TMPRSS11E: variants seen among roughly 807,000 people sequenced by gnomAD.
TMPRSS11E encodes the protein transmembrane protease serine 11E.
Under a neutral mutation model 48.1 loss-of-function variants are expected in TMPRSS11E, and 38 were observed. The ratio of observed to expected loss-of-function variants is 0.79; its 90% CI spans 0.61 to 1.04. The LOEUF is 1.04. Among genes scored for constraint, TMPRSS11E ranks in the 50% least tolerant of loss-of-function variants. TMPRSS11E has a pLI of 0.00. For missense variants in TMPRSS11E, 530 were observed against 510.8 expected (o/e 1.04, Z -0.36); for synonymous variants, 158 against 171.9 (o/e 0.92, Z 0.63).
intron 2 of TMPRSS11E, among the ~76,000 whole-genome samples, chr4:68,462,588 G>A (rs1372187579): frequency 1.8e-4 from 26 of 147,702 alleles, no homozygotes; most frequent in Non-Finnish European, 2.4e-4. Flanking sequence ...GTCTCAAAAA[G>A]AAAAAAAAAA....
intron 1 of TMPRSS11E, among the ~76,000 whole-genome samples, chr4:68,457,392 A>C (rs990116039): frequency 1.3e-5 from 2 of 152,170 alleles, no homozygotes; most frequent in South Asian, 2.1e-4. Context: ...AAAAGTCAGG[A>C]AACAACAGAT....
At chr4:68,487,438 G>A (rs1485331002) in intron 9 of TMPRSS11E, among the ~76,000 whole-genome samples, 1 of 151,980 alleles carries the variant, frequency 6.6e-6, no homozygotes, top group African/African-American at 2.4e-5. Flanking sequence ...TTTTAGTAGA[G>A]ATGGGATTTC....
chr4:68,453,846 G>T (rs1003760643), intron 1 of TMPRSS11E, among the ~76,000 whole-genome samples: 6 of 151,824 alleles, frequency 4.0e-5, no homozygotes, highest in Non-Finnish European at 5.9e-5. Flanking sequence ...TAGGAATCTA[G>T]TCTCCTACTA....
chr4:68,448,789 C>T (rs1037300602), intron 1 of TMPRSS11E, among the ~76,000 whole-genome samples: 3 of 151,780 alleles, frequency 2.0e-5, no homozygotes, highest in Admixed American at 6.6e-5. Context: ...ACAAAAACGT[C>T]TTCCTGATCT....
chr4:68,477,404 G>C lies in TMPRSS11E; in HGVS notation c.743G>C (p.Gly248Ala), dbSNP rs1276410766. 1 of 1,613,906 alleles carries C rather than the reference G, an allele frequency of 6.2e-7. No homozygotes were observed. Among genetic ancestry groups the C allele is most frequent in the South Asian group, 1.1e-5 (1 of 91,062 alleles). Residue 248 changes from glycine (G) to alanine (A), a missense_variant, in exon 8 of 10, where the codon GGA becomes GCA. Physicochemically the swap from Gly to Ala is moderately conservative, Grantham distance 60. Transcript: ENST00000305363. The stretch of plus-strand genomic sequence containing the variant: ...CCTGCCAGATGGACTGCTTCCTTTG[G>C]AGTAACAATAAAACCTTCGAAAATG... ...KNPARWTASF[G>A]VTIKPSKMKR...
chr4:68,490,751 CTTTTTTTTTT>C (rs1158277585), intron 9 of TMPRSS11E, among the ~76,000 whole-genome samples: 3 of 69,328 alleles, frequency 4.3e-5, no homozygotes, highest in African/African-American at 1.2e-4. Flanking sequence ...TCAGCATATT[CTTTTTTTTTT>C]TTTTTTTTTT....
intron 1 of TMPRSS11E, 35 bp downstream of exon 1, chr4:68,447,558 A>C: frequency 1.2e-6 from 2 of 1,600,840 alleles, no homozygotes; most frequent in Non-Finnish European, 1.7e-6. Context: ...TAGAAGTCTT[A>C]AGGTAACTTT....
chr4:68,487,241 T>C (rs1354434684), intron 9 of TMPRSS11E, among the ~76,000 whole-genome samples: 2 of 150,886 alleles, frequency 1.3e-5, no homozygotes, highest in Non-Finnish European at 3.0e-5. Context: ...TTGTCTTTTC[T>C]GTGGTGTCAG....
intron 9 of TMPRSS11E, among the ~76,000 whole-genome samples, chr4:68,494,061 T>G (rs1485205264): frequency 6.6e-6 from 1 of 152,110 alleles, no homozygotes; most frequent in Admixed American, 6.6e-5. Flanking sequence ...TTTCTCTCTC[T>G]CTCTCAATCT....
chr4:68,492,580 T>C lies in TMPRSS11E; in HGVS notation c.1111-4063T>C, dbSNP rs545252870. Among the ~76,000 whole-genome samples, 8 of 152,340 alleles carry C rather than the reference T, an allele frequency of 5.3e-5. No homozygotes were observed. In the South Asian group the frequency reaches 8.3e-4, roughly 16 times the overall value. On this transcript the variant is annotated intron_variant, in intron 9 of 9. Coordinates refer to ENST00000305363, the MANE Select transcript of TMPRSS11E (RefSeq NM_014058.4). ...TGTGATGTGCCATATGGAGAAAATA[T>C]GTATATTTGGTAAGCTTTGTTTAGT... is the stretch of plus-strand genomic sequence containing the variant.
rs753290276 is a variant in TMPRSS11E, at chr4:68,477,517, C to T, written c.856C>T (p.Pro286Ser). 3.7e-6 allele frequency: 6 copies of T among 1,614,100 alleles called. No homozygotes were observed. In the South Asian group the frequency reaches 6.6e-5, roughly 18 times the overall value. Reference sequence around the variant, plus strand: ...TATTTCTCTTGCAGAGCTTTCTAGCCCTGTTCCCTACACAAATGCAGTACA... The same window carrying T: ...TATTTCTCTTGCAGAGCTTTCTAGCTCTGTTCCCTACACAAATGCAGTACA... ...YDISLAELSSPVPYTNAVHRV... is the reference protein window; with the variant it reads ...YDISLAELSSSVPYTNAVHRV... The change falls in exon 8 of 10, where the codon CCT becomes TCT. Residue 286 changes from proline (P) to serine (S), a missense_variant. Coordinates refer to ENST00000305363, the MANE Select transcript of TMPRSS11E (RefSeq NM_014058.4).
chr4:68,477,670 AT>A, intron 8 of TMPRSS11E, 42 bp downstream of exon 8: 1 of 1,600,222 alleles, frequency 6.2e-7, no homozygotes. Context: ...TTAAATTGGT[AT>A]TTTATGGCAT....
At chr4:68,476,555 A>G (rs1729225469) in intron 7 of TMPRSS11E, 117 bp downstream of exon 7, 2 of 1,025,804 alleles carry the variant, frequency 1.9e-6, no homozygotes, top group Admixed American at 2.9e-5. Flanking sequence ...AATAGTGTGT[A>G]TATCACAAAA....
intron 1 of TMPRSS11E, 116 bp from the exon 2 acceptor site, chr4:68,461,705 G>C (rs1728794319): frequency 6.6e-7 from 1 of 1,509,564 alleles, no homozygotes; most frequent in Non-Finnish European, 9.0e-7. Flanking sequence ...TCTAAACCCA[G>C]ACAGTACACG....
Position 68,464,720 on chromosome 4 carries a change from T to C in TMPRSS11E, c.137-1911T>C, listed in dbSNP as rs184708254. ...TTTTTGACCTGTACTAATGGTGATT[T>C]TAAATCATTCAATCTAATAAGCCAA... On this transcript the variant is annotated intron_variant, in intron 2 of 9. Coordinates refer to ENST00000305363, the MANE Select transcript of TMPRSS11E (RefSeq NM_014058.4). 4.6e-5 allele frequency among the ~76,000 whole-genome samples: 7 copies of C among 152,304 alleles called. 1 individual carries two copies. Among genetic ancestry groups the C allele is most frequent in the Admixed American group, 3.9e-4 (6 of 15,288 alleles).
intron 9 of TMPRSS11E, among the ~76,000 whole-genome samples, chr4:68,487,837 A>T (rs145173707): frequency 6.1e-5 from 9 of 147,876 alleles, no homozygotes; most frequent in East Asian, 2.2e-4. Context: ...GCTATTCGGG[A>T]GGCTGAGGCA....
chr4:68,476,402 C>T lies in TMPRSS11E; in HGVS notation c.671C>T (p.Ala224Val), dbSNP rs1404615082. The T allele has an allele frequency of 4.3e-6, 7 of 1,613,658 alleles. No individual in the cohort carries two copies. The highest frequency in any genetic ancestry group is 1.1e-5 in the South Asian group (1 of 91,016). ...SHRCGATLIN[A>V]TWLVSAAHCF... ...CGCTGTGGAGCAACCTTAATTAATG[C>T]CACATGGCTTGTGAGTGCTGCTCAC... Residue 224 changes from alanine (A) to valine (V), a missense_variant, in exon 7 of 10, where the codon GCC becomes GTC. Coordinates refer to ENST00000305363, the MANE Select transcript of TMPRSS11E (RefSeq NM_014058.4).
chr4:68,493,088 T>C (rs1308382529), intron 9 of TMPRSS11E, among the ~76,000 whole-genome samples: 1 of 152,126 alleles, frequency 6.6e-6, no homozygotes, highest in African/African-American at 2.4e-5. Context: ...AACAGATGTA[T>C]GCCCTCTTAA....
intron 9 of TMPRSS11E, among the ~76,000 whole-genome samples, chr4:68,480,964 C>A (rs1042719953): frequency 3.0e-4 from 45 of 152,136 alleles, no homozygotes; most frequent in Admixed American, 2.7e-3. Flanking sequence ...CCACCCTCAA[C>A]CCTCAAGTAA....
Sources: allele counts gnomAD v4.1 joint callset (sites outside exome capture counted in the v4.1 genomes callset), GRCh38; gene constraint gnomAD v4.1.1; transcripts MANE v1.5; gene names NCBI Gene and HGNC (gene_info 2026-07-23, HGNC 2026-07-21).